COL4A3: variants seen among roughly 807,000 people sequenced by gnomAD.
The protein encoded by COL4A3 is collagen type IV alpha 3 chain.
COL4A3 carries 135 observed loss-of-function variants against 217.4 expected under a neutral mutation model. That is an observed-to-expected ratio of 0.62 (90% CI 0.54 to 0.72). The LOEUF is 0.72. COL4A3 is among the 30% of genes least tolerant of loss of function. The pLI is 0.00. For missense variants in COL4A3, 1,868 were observed against 2,119.9 expected, an observed-to-expected ratio of 0.88 and a Z score of 2.33; for synonymous variants, 690 against 736.3, an observed-to-expected ratio of 0.94 and a Z score of 1.02.
intron 1 of COL4A3, among the ~76,000 whole-genome samples, chr2:227,205,589 GATTAA>G (rs148022974): frequency 0.14 from 21,712 of 151,830 alleles, 1,658 homozygotes; most frequent in Non-Finnish European, 0.16. Context: ...AATTATTATT[GATTAA>G]ATTAAAATAA....
chr2:227,198,229 C>T (rs2066555600), intron 1 of COL4A3, among the ~76,000 whole-genome samples: 1 of 152,136 alleles, frequency 6.6e-6, no homozygotes, highest in South Asian at 2.1e-4. Context: ...TGATTGTAAC[C>T]ACTCGTGCCA....
intron 28 of COL4A3, among the ~76,000 whole-genome samples, chr2:227,278,678 T>C (rs777430063): frequency 8.5e-5 from 13 of 152,302 alleles, no homozygotes; most frequent in Admixed American, 2.0e-4. Flanking sequence ...TCTTGGACCC[T>C]GCATTAATAA....
At chr2:227,304,298 C>T in intron 46 of COL4A3, 154 bp downstream of exon 46, 1 of 932,980 alleles carries the variant, frequency 1.1e-6, no homozygotes. Context: ...TCATTTTACC[C>T]TTGACCAGCA....
At chr2:227,234,602 A>G in intron 1 of COL4A3, among the ~76,000 whole-genome samples, 1 of 152,200 alleles carries the variant, frequency 6.6e-6, no homozygotes, top group East Asian at 1.9e-4. Context: ...TATGCCAAAG[A>G]TACCAGTGTG....
Position 227,253,553 on chromosome 2 carries a change from G to A in COL4A3, c.688-8G>A. 1 of 1,611,760 alleles carries A rather than the reference G, an allele frequency of 6.2e-7. No homozygotes were observed. The highest frequency in any genetic ancestry group is 1.7e-5 in the Admixed American group (1 of 60,008). ...TATTTTCTCACTCCTGAGTGTTTTT[G>A]TCTTTAGGGTGTGAAAGGGTTAACA... On this transcript the variant is annotated splice_region_variant and splice_polypyrimidine_tract_variant and intron_variant, in intron 12 of 51. Transcript: ENST00000396578. The surrounding 1 kb of genome is among the most constrained non-coding windows in gnomAD (Gnocchi z 4.4).
intron 1 of COL4A3, among the ~76,000 whole-genome samples, chr2:227,165,628 A>G (rs2065229605): frequency 6.6e-6 from 1 of 152,240 alleles, no homozygotes; most frequent in Admixed American, 6.5e-5. Flanking sequence ...CACTTTAAAA[A>G]GTTGATTTGG....
intron 26 of COL4A3, 55 bp from the exon 27 acceptor site, chr2:227,276,330 G>C: frequency 3.1e-6 from 4 of 1,278,692 alleles, no homozygotes; most frequent in Non-Finnish European, 4.6e-6. Context: ...TTCCGCTATC[G>C]TCTAAGACAA....
chr2:227,282,697 G>A lies in COL4A3; in HGVS notation c.2656+165G>A, dbSNP rs892860039. Among the ~76,000 whole-genome samples the A allele has an allele frequency of 2.6e-5, 4 of 152,282 alleles. No individual in the cohort carries two copies. The highest frequency in any genetic ancestry group is 2.9e-5 in the Non-Finnish European group (2 of 68,026). ...ACCAGGGGCCATGGTGCAGGGAAAC[G>A]GTGGCGGCAGGATGAACAATTACCC... On this transcript the variant is annotated intron_variant, in intron 32 of 51. Coordinates refer to ENST00000396578, the MANE Select transcript of COL4A3 (RefSeq NM_000091.5). The surrounding 1 kb of genome is among the most constrained non-coding windows in gnomAD (Gnocchi z 4.4).
chr2:227,263,759 G>T (rs759974562), intron 20 of COL4A3, 21 bp from the exon 21 acceptor site: 14 of 1,607,740 alleles, frequency 8.7e-6, no homozygotes, highest in Non-Finnish European at 8.5e-6. Context: ...TAAAATACAA[G>T]AAATGATTAT....
At chr2:227,185,310 A>G (rs533536871) in intron 1 of COL4A3, among the ~76,000 whole-genome samples, 20 of 152,296 alleles carry the variant, frequency 1.3e-4, no homozygotes, top group African/African-American at 4.3e-4. Flanking sequence ...TGATCAAACA[A>G]AGGATGGGTG....
At chr2:227,176,706 G>A (rs1034799122) in intron 1 of COL4A3, among the ~76,000 whole-genome samples, 3 of 152,106 alleles carry the variant, frequency 2.0e-5, no homozygotes, top group African/African-American at 4.8e-5. Flanking sequence ...TTTTCCCACC[G>A]GGATATTTTG....
intron 1 of COL4A3, among the ~76,000 whole-genome samples, chr2:227,177,147 C>CTTTTTTTTTTTTTTTTTTTTCTTTTT (rs200452419): frequency 7.3e-6 from 1 of 137,750 alleles, no homozygotes. Context: ...TTTTTCTTTC[C>CTTTTTTTTTTTTTTTTTTTTCTTTTT]TTTTTTTTTT....
chr2:227,250,268 G>A lies in COL4A3; in HGVS notation c.547-872G>A, dbSNP rs574730877. Among the ~76,000 whole-genome samples, 6 of 152,144 alleles carry A rather than the reference G, an allele frequency of 3.9e-5. No individual in the cohort carries two copies. The highest frequency in any genetic ancestry group is 9.6e-5 in the African/African-American group (4 of 41,510). Reference sequence around the variant, plus strand: ...GCAGAGGCTGCAGTGAGCAGAGATCGTACCACTGCACTCCAGCCTGAGGAC... The same window carrying A: ...GCAGAGGCTGCAGTGAGCAGAGATCATACCACTGCACTCCAGCCTGAGGAC... On this transcript the variant is annotated intron_variant, in intron 9 of 51. Transcript: ENST00000396578. This position sits in a 1 kb window ranked among gnomAD's most constrained non-coding sequence, Gnocchi z 4.1.
intron 39 of COL4A3, 42 bp from the exon 40 acceptor site, chr2:227,294,922 T>C (rs769811442): frequency 1.4e-6 from 2 of 1,441,494 alleles, no homozygotes; most frequent in African/African-American, 2.9e-5. Context: ...TCTTTTTGTA[T>C]ACCATAGTTT....
At chr2:227,276,269 G>A (rs932952967) in intron 26 of COL4A3, 116 bp from the exon 27 acceptor site, 8 of 796,752 alleles carry the variant, frequency 1.0e-5, no homozygotes, top group Non-Finnish European at 1.7e-5. Flanking sequence ...GAAAACAGAG[G>A]TTATTTTTTA....
intron 25 of COL4A3, among the ~76,000 whole-genome samples, chr2:227,272,318 T>C (rs1040989917): frequency 6.6e-6 from 1 of 152,210 alleles, no homozygotes; most frequent in African/African-American, 2.4e-5. Flanking sequence ...TCTTACACCC[T>C]GTCATTAAAA....
intron 39 of COL4A3, 33 bp downstream of exon 39, chr2:227,294,603 C>T: frequency 7.0e-7 from 1 of 1,419,654 alleles, no homozygotes; most frequent in Non-Finnish European, 1.0e-6. Flanking sequence ...TTTTCCTTTT[C>T]ATGTGGGAGA....
At chr2:227,274,219 A>G (rs1343624610) in intron 26 of COL4A3, among the ~76,000 whole-genome samples, 2 of 129,812 alleles carry the variant, frequency 1.5e-5, no homozygotes, top group Non-Finnish European at 3.5e-5. Flanking sequence ...CCTGGGCAAC[A>G]GATTGAGATA....
chr2:227,310,714 A>G, intron 50 of COL4A3, 62 bp from the exon 51 acceptor site: 1 of 1,412,674 alleles, frequency 7.1e-7, no homozygotes, highest in South Asian at 1.2e-5. Context: ...AAAAAAGTAG[A>G]GAATTGAAAA....
Sources: gnomAD v4.1 joint callset for allele counts (sites outside exome capture counted in the v4.1 genomes callset) on GRCh38, gnomAD v4.1.1 for gene constraint, Gnocchi (gnomAD v3.1) non-coding constraint, MANE v1.5 for transcripts, NCBI Gene and HGNC (gene_info 2026-07-23, HGNC 2026-07-21) for gene names.